GZF1: variants seen among roughly 807,000 people sequenced by gnomAD.
GZF1 encodes GDNF-inducible zinc finger protein 1.
In GZF1, 28 loss-of-function variants were observed where a neutral mutation model predicts 49.4. The observed-to-expected ratio is 0.57, with a 90% confidence interval of 0.42 to 0.78. GZF1 has a LOEUF of 0.78. GZF1 is among the 30% of genes least tolerant of loss of function. The pLI, the probability that GZF1 is intolerant of heterozygous loss-of-function variation, is 0.00. For synonymous variants in GZF1, 364 were observed against 356.0 expected (o/e 1.02, Z -0.25); for missense variants, 798 against 916.2 (o/e 0.87, Z 1.67).
rs774092249 is a variant in GZF1, at chr20:23,364,588, A to T, written c.205A>T (p.Ser69Cys). The T allele has an allele frequency of 1.2e-6, 2 of 1,614,184 alleles. No individual in the cohort carries two copies. The highest frequency in any genetic ancestry group is 1.7e-6 in the Non-Finnish European group (2 of 1,180,036). ...TAAGGAAGTGTTCCTTAATGAGAAGAGTGTGGATGGTACTAGGACTAATGT... is the reference window on the plus strand; with the variant it reads ...TAAGGAAGTGTTCCTTAATGAGAAGTGTGTGGATGGTACTAGGACTAATGT... The part of the protein sequence containing the change: ...FFKEVFLNEK[S>C]VDGTRTNVYL... Residue 69 changes from serine (S) to cysteine (C), a missense_variant, in exon 2 of 6, where the codon AGT (serine) becomes TGT (cysteine). Around this residue, in one of 3 missense-constraint regions of GZF1, gnomAD observed 105 missense variants for 147.5 expected, o/e 0.71. Coordinates refer to ENST00000338121, the MANE Select transcript of GZF1 (RefSeq NM_022482.5).
chr20:23,371,413 G>A lies in GZF1; in HGVS notation c.*972G>A, dbSNP rs1017337084. ...CTTCTCATTTCCACACCTAGAGATG[G>A]AAACAGGCAAGTAACTGACATGTCT... On this transcript the variant is annotated 3_prime_UTR_variant, in exon 6 of 6. Transcript: ENST00000338121. 5 of 152,558 alleles carry A rather than the reference G, an allele frequency of 3.3e-5. No homozygotes were observed. The highest frequency in any genetic ancestry group is 7.2e-5 in the African/African-American group (3 of 41,420). The allele number at this position is 152,558 out of a possible 1,614,324, so 9.5% of individuals were successfully genotyped here. A position where few individuals can be genotyped will look rare whatever the true frequency, so the allele number is the denominator to read the frequency against.
upstream of GZF1, among the ~76,000 whole-genome samples, chr20:23,361,914 C>A (rs925012971): frequency 5.3e-5 from 8 of 152,342 alleles, no homozygotes; most frequent in Admixed American, 3.9e-4. Context: ...TGTGGCGTGC[C>A]GCAGCGCAGA....
At chr20:23,365,838 A>G (rs1001259528) in intron 2 of GZF1, 91 bp downstream of exon 2, 1 of 1,424,718 alleles carries the variant, frequency 7.0e-7, no homozygotes, top group Middle Eastern at 1.9e-4. Context: ...CTCACTGCTT[A>G]ATTTCTCCGC....
intron 3 of GZF1, among the ~76,000 whole-genome samples, chr20:23,368,038 A>G (rs902293778): frequency 3.3e-5 from 5 of 152,246 alleles, no homozygotes; most frequent in African/African-American, 4.8e-5. Context: ...TCATTGAATG[A>G]AAATCTCATT....
chr20:23,368,144 T>C (rs550753903), intron 3 of GZF1, among the ~76,000 whole-genome samples: 1 of 152,238 alleles, frequency 6.6e-6, no homozygotes, highest in East Asian at 1.9e-4. Context: ...AAGGTCAGGT[T>C]ATAATGAAGG....
At chr20:23,368,615 A>ATTTTATGATAGT (rs1053531732) in intron 3 of GZF1, 147 bp from the exon 4 acceptor site, 1 of 462,716 alleles carries the variant, frequency 2.2e-6, no homozygotes, top group African/African-American at 2.0e-5. Context: ...ATGAATATAT[A>ATTTTATGATAGT]TTTTATGATA....
rs992488024 is a variant in GZF1, at chr20:23,365,856, C to T, written c.1364+109C>T. 3.6e-5 allele frequency: 50 copies of T among 1,405,694 alleles called. No individual in the cohort carries two copies. In the East Asian group the frequency reaches 7.3e-4, roughly 21 times the overall value. 87.1% of individuals were successfully genotyped at this position (1,405,694 alleles called of 1,614,324 possible). A position where few individuals can be genotyped will look rare whatever the true frequency, so the allele number is the denominator to read the frequency against. ...ACTGCTTAATTTCTCCGCTCCAAACCTGGGGGCTTATTTCGAGACAGCGTT... is the reference window on the plus strand; with the variant it reads ...ACTGCTTAATTTCTCCGCTCCAAACTTGGGGGCTTATTTCGAGACAGCGTT... On this transcript the variant is annotated intron_variant, in intron 2 of 5. Transcript: ENST00000338121.
At position 23,365,330 on chromosome 20, in the gene GZF1, A is replaced by G. The variant is rs781777194; in HGVS notation, c.947A>G (p.Asn316Ser). 1.9e-6 allele frequency: 3 copies of G among 1,610,134 alleles called. No individual in the cohort carries two copies. The highest frequency in any genetic ancestry group is 2.5e-6 in the Non-Finnish European group (3 of 1,177,514). The change falls in exon 2 of 6, where the codon AAC (asparagine) becomes AGC (serine). Residue 316 changes from asparagine (N) to serine (S), a missense_variant. Physicochemically the swap from Asn to Ser is conservative, Grantham distance 46 (BLOSUM62 1). Transcript: ENST00000338121. ...EDEEGEKKKS[N>S]FKCSICEKAF... ...GAAGAAGGGGAGAAGAAGAAGAGCA[A>G]CTTTAAGTGCAGCATTTGCGAGAAG... is the stretch of plus-strand genomic sequence containing the variant.
rs1982072867 is a variant in GZF1 at position 23,371,517 on chromosome 20, A to T, written c.*1076A>T. On this transcript the variant is annotated 3_prime_UTR_variant, in exon 6 of 6. Coordinates refer to ENST00000338121, the MANE Select transcript of GZF1 (RefSeq NM_022482.5). ...ACTTACCTCCGATTATGCCTTAAAG[A>T]GTTGATTGTGAAGAACCAGTAACTT... The T allele has an allele frequency of 6.6e-6, 1 of 152,638 alleles. No individual in the cohort carries two copies. The highest frequency in any genetic ancestry group is 1.5e-5 in the Non-Finnish European group (1 of 68,048). The allele number at this position is 152,638 out of a possible 1,614,324, so 9.5% of individuals were successfully genotyped here. A position where few individuals can be genotyped will look rare whatever the true frequency, so the allele number is the denominator to read the frequency against.
chr20:23,368,207 A>G (rs1981633933), intron 3 of GZF1, among the ~76,000 whole-genome samples: 1 of 139,310 alleles, frequency 7.2e-6, no homozygotes. Flanking sequence ...ATTTTATTAA[A>G]GTCACTATTT....
chr20:23,368,019 T>A (rs1277949281), intron 3 of GZF1, among the ~76,000 whole-genome samples: 3 of 152,238 alleles, frequency 2.0e-5, no homozygotes, highest in African/African-American at 7.2e-5. Context: ...TCTGAAGTCA[T>A]AATTCATGTC....
upstream of GZF1, chr20:23,362,043 C>G (rs1980711771): frequency 6.6e-6 from 1 of 152,240 alleles, no homozygotes; most frequent in South Asian, 2.1e-4. Flanking sequence ...CTGCCCGAAC[C>G]GCTCCGCCGC....
intron 4 of GZF1, among the ~76,000 whole-genome samples, 153 bp downstream of exon 4, chr20:23,369,082 TTCTAAC>T (rs1219447684): frequency 1.3e-5 from 2 of 152,232 alleles, no homozygotes; most frequent in African/African-American, 2.4e-5. Context: ...TAGAGATTGT[TTCTAAC>T]TCTGAGAAAC....
rs755810794 is a variant in GZF1 at position 23,364,838 on chromosome 20, G to A, written c.455G>A (p.Ser152Asn). The A allele has an allele frequency of 4.3e-6, 7 of 1,614,112 alleles. No homozygotes were observed. In the African/African-American group the frequency reaches 9.3e-5, roughly 22 times the overall value. The change falls in exon 2 of 6, where the codon AGC (serine) becomes AAC (asparagine). Residue 152 changes from serine to asparagine, a missense_variant. By Grantham distance (46) the Ser-to-Asn change is conservative. Around this residue, in one of 3 missense-constraint regions of GZF1, gnomAD observed 247 missense variants for 228.5 expected, o/e 1.08. Coordinates refer to ENST00000338121, the MANE Select transcript of GZF1 (RefSeq NM_022482.5). ...TCAGAGTCTCAGGAGGTGGAGGTGA[G>A]CAGTGGCTCCCAAGTTAGTGCTGCT... ...NFSESQEVEV[S>N]SGSQVSAAPA...
chr20:23,365,596 G>T lies in GZF1; in HGVS notation c.1213G>T (p.Glu405Ter). The T allele has an allele frequency of 6.2e-7, 1 of 1,608,614 alleles. No individual in the cohort carries two copies. ...HVLQVHEGGGERHRCGQCGKG... is the reference protein window; with the variant it reads ...HVLQVHEGGG ...GCTGCAGGTGCATGAGGGCGGCGGC[G>T]AGCGGCACCGCTGCGGCCAGTGCGG... Residue 405 changes from glutamate (E) to a stop codon, truncating the protein, a stop_gained, in exon 2 of 6, where the codon GAG becomes TAG. Transcript: ENST00000338121. LOFTEE classifies it high-confidence loss of function.
At position 23,370,590 on chromosome 20, in the gene GZF1, G is replaced by C; in HGVS notation, c.*149G>C. ...TTCCTGAACTTCTGCTAACTTGCAC[G>C]GCTTTATCACAGCATTTTTAAAGCT... On this transcript the variant is annotated 3_prime_UTR_variant, in exon 6 of 6. Transcript: ENST00000338121. 1 of 625,516 alleles carries C rather than the reference G, an allele frequency of 1.6e-6. No individual in the cohort carries two copies. Among genetic ancestry groups the C allele is most frequent in the Non-Finnish European group, 2.8e-6 (1 of 355,564 alleles). 38.7% of individuals were successfully genotyped at this position (625,516 alleles called of 1,614,324 possible).
Position 23,369,757 on chromosome 20 carries a change from G to A in GZF1, c.1785+16G>A. On this transcript the variant is annotated intron_variant, in intron 5 of 5. Transcript: ENST00000338121. Reference sequence around the variant, plus strand: ...GCACACCTCAGTAAGCAGTGGGTTGGCTTATTTGAGAAACAAGCTGCTGCC... The same window carrying A: ...GCACACCTCAGTAAGCAGTGGGTTGACTTATTTGAGAAACAAGCTGCTGCC... 6.3e-7 allele frequency: 1 copy of A among 1,594,510 alleles called. No homozygotes were observed. Among genetic ancestry groups the A allele is most frequent in the South Asian group, 1.1e-5 (1 of 88,472 alleles).
At position 23,364,351 on chromosome 20, in the gene GZF1, T is replaced by G. The variant is rs200302078; in HGVS notation, c.-21-12T>G. ...TGGTTGCTCATGCATAATTCTTGTTTCTTTTTCAAAGCTGTTTTTGGAAGG... is the reference window on the plus strand; with the variant it reads ...TGGTTGCTCATGCATAATTCTTGTTGCTTTTTCAAAGCTGTTTTTGGAAGG... On this transcript the variant is annotated splice_polypyrimidine_tract_variant and intron_variant, in intron 1 of 5. Transcript: ENST00000338121. 2 of 1,490,892 alleles carry G rather than the reference T, an allele frequency of 1.3e-6. No individual in the cohort carries two copies. Among genetic ancestry groups the G allele is most frequent in the African/African-American group, 2.8e-5 (2 of 71,088 alleles). The allele number at this position is 1,490,892 out of a possible 1,614,324, so 92.4% of individuals were successfully genotyped here. A position where few individuals can be genotyped will look rare whatever the true frequency, so the allele number is the denominator to read the frequency against.
chr20:23,363,156 G>C (rs6083088), intron 1 of GZF1: 1 of 152,100 alleles, frequency 6.6e-6, no homozygotes, highest in East Asian at 1.9e-4. Flanking sequence ...TCATTGATGA[G>C]ACTGGAGAAG....
Sources: gnomAD v4.1 joint callset for allele counts (sites outside exome capture counted in the v4.1 genomes callset) on GRCh38, gnomAD v4.1.1 for gene constraint, gnomAD v4.1.1 regional missense constraint, MANE v1.5 for transcripts, NCBI Gene and HGNC (gene_info 2026-07-23, HGNC 2026-07-21) for gene names.